Variants in THAP4 observed in about 807,000 individuals in gnomAD.
The protein encoded by THAP4 is peroxynitrite isomerase THAP4.
In THAP4, 18 loss-of-function variants were observed where a neutral mutation model predicts 48.1. The ratio of observed to expected loss-of-function variants is 0.37; its 90% CI spans 0.26 to 0.56. The LOEUF (loss-of-function observed/expected upper bound fraction) is 0.56, where lower values mean the gene tolerates loss of function less well. THAP4 is among the 20% of genes least tolerant of loss of function. The pLI, the probability that THAP4 is intolerant of heterozygous loss-of-function variation, is 0.78. For missense variants in THAP4, 656 were observed against 774.9 expected (o/e 0.85, Z 1.82); for synonymous variants, 345 against 324.9 (o/e 1.06, Z -0.66).
In THAP4 at chr2:241,601,925, A is replaced by G; in HGVS notation, c.1585T>C (p.Ser529Pro). ...TCTACGTGGGGCTCCTTGGCGAAGG[A>G]GATCCTGGCGATGGAGTGGGATGCG... ...CIASHSIARI[S>P]FAKEPHVEQI... Residue 529 changes from serine (S) to proline (P), a missense_variant, in exon 5 of 6, where the codon TCC becomes CCC. Ser to Pro is a moderately conservative substitution (Grantham distance 74). Coordinates refer to ENST00000407315, the MANE Select transcript of THAP4 (RefSeq NM_015963.6). This position sits in a 1 kb window ranked among gnomAD's most constrained non-coding sequence, Gnocchi z 4.0. The G allele has an allele frequency of 1.2e-6, 2 of 1,613,774 alleles. No homozygotes were observed. Among genetic ancestry groups the G allele is most frequent in the Non-Finnish European group, 1.7e-6 (2 of 1,180,032 alleles).
At chr2:241,628,666 AT>A (rs71406475) in intron 2 of THAP4, among the ~76,000 whole-genome samples, 82 of 142,648 alleles carry the variant, frequency 5.7e-4, no homozygotes, top group African/African-American at 4.3e-4. Flanking sequence ...CTGGAATAGG[AT>A]TTTTTTTTTT....
intron 1 of THAP4, 93 bp from the exon 2 acceptor site, chr2:241,634,172 C>G: frequency 1.1e-6 from 1 of 950,872 alleles, no homozygotes; most frequent in Non-Finnish European, 1.6e-6. Flanking sequence ...TTTTTGCACG[C>G]ACCCTAAGCC....
At chr2:241,585,345 G>C (rs540165731) in intron 5 of THAP4, among the ~76,000 whole-genome samples, 2 of 151,088 alleles carry the variant, frequency 1.3e-5, no homozygotes, top group Non-Finnish European at 2.9e-5. Flanking sequence ...ACTGTCAAAA[G>C]ACAATTCTCT....
chr2:241,625,550 A>G (rs1343452144), intron 2 of THAP4, among the ~76,000 whole-genome samples: 1 of 151,344 alleles, frequency 6.6e-6, no homozygotes, highest in Non-Finnish European at 1.5e-5. Context: ...TAATCCCAGC[A>G]TTTTGGGAGG....
chr2:241,595,799 T>A (rs1238702156), intron 5 of THAP4, among the ~76,000 whole-genome samples: 1 of 152,030 alleles, frequency 6.6e-6, no homozygotes, highest in Non-Finnish European at 1.5e-5. Flanking sequence ...GAGGGTGACA[T>A]GAGAATCTGG....
intron 2 of THAP4, among the ~76,000 whole-genome samples, chr2:241,611,063 G>A (rs1247801256): frequency 1.3e-5 from 2 of 152,188 alleles, no homozygotes; most frequent in Non-Finnish European, 2.9e-5. Context: ...AGGGAAAATA[G>A]GTCACAGATA....
Position 241,610,203 on chromosome 2 carries a change from C to G in THAP4, c.1241-3730G>C, listed in dbSNP as rs1375582722. Among the ~76,000 whole-genome samples, 3 of 152,210 alleles carry G rather than the reference C, an allele frequency of 2.0e-5. No homozygotes were observed. The highest frequency in any genetic ancestry group is 4.8e-5 in the African/African-American group (2 of 41,462). On this transcript the variant is annotated intron_variant, in intron 2 of 5. Coordinates refer to ENST00000407315, the MANE Select transcript of THAP4 (RefSeq NM_015963.6). The surrounding 1 kb of genome is among the most constrained non-coding windows in gnomAD (Gnocchi z 4.2). ...CACTCCCCACGAGGCAGGACAGCCC[C>G]GGGCTAGGGTGAGGGGCACGCGCCG...
rs938673244 is a variant in THAP4 at position 241,610,867 on chromosome 2, G to T, written c.1241-4394C>A. On this transcript the variant is annotated intron_variant, in intron 2 of 5. Transcript: ENST00000407315. The surrounding 1 kb of genome is among the most constrained non-coding windows in gnomAD (Gnocchi z 4.2). ...AGAGACAGGGCCAGAGAGACACGGG[G>T]ATGGGGCCAGAGACGGGGCCAGAGA... 1.3e-5 allele frequency among the ~76,000 whole-genome samples: 2 copies of T among 151,976 alleles called. No individual in the cohort carries two copies. The highest frequency in any genetic ancestry group is 2.9e-5 in the Non-Finnish European group (2 of 68,002).
intron 1 of THAP4, among the ~76,000 whole-genome samples, chr2:241,635,943 A>G (rs2125102555): frequency 6.6e-6 from 1 of 152,228 alleles, no homozygotes; most frequent in South Asian, 2.1e-4. Context: ...CTTTCTGAAC[A>G]CTGTGAGGCC....
intron 2 of THAP4, among the ~76,000 whole-genome samples, chr2:241,631,826 A>AT (rs367798044): frequency 1.5e-4 from 22 of 151,710 alleles, no homozygotes; most frequent in African/African-American, 4.8e-4. Flanking sequence ...ACAAACAATA[A>AT]TTTTTTTACC....
intron 1 of THAP4, 104 bp downstream of exon 1, chr2:241,636,837 G>A (rs1270522221): frequency 3.2e-6 from 2 of 622,512 alleles, no homozygotes; most frequent in South Asian, 6.8e-5. Context: ...CCCGGCCGCC[G>A]AGGCCCGGCG....
At chr2:241,607,659 G>C (rs574864189) in intron 2 of THAP4, among the ~76,000 whole-genome samples, 3 of 150,384 alleles carry the variant, frequency 2.0e-5, no homozygotes, top group Non-Finnish European at 4.4e-5. Context: ...CTGCACATCA[G>C]GACTGACCCC....
At chr2:241,613,518 C>T (rs1319042115) in intron 2 of THAP4, among the ~76,000 whole-genome samples, 1 of 152,102 alleles carries the variant, frequency 6.6e-6, no homozygotes, top group Admixed American at 6.5e-5. Context: ...CTTTGGGAGG[C>T]CGAGGAGGGT....
intron 5 of THAP4, among the ~76,000 whole-genome samples, chr2:241,600,333 G>T (rs571026885): frequency 3.3e-5 from 5 of 152,310 alleles, no homozygotes; most frequent in African/African-American, 1.2e-4. Flanking sequence ...TCACTCATCT[G>T]GAAGAGTTAG....
intron 5 of THAP4, among the ~76,000 whole-genome samples, chr2:241,598,277 C>T (rs4072905): frequency 0.15 from 22,859 of 152,168 alleles, 1,887 homozygotes; most frequent in Middle Eastern, 0.27. Context: ...CCAGAGAGGC[C>T]GACCAACTCC....
At chr2:241,584,827 A>T in intron 5 of THAP4, 102 bp from the exon 6 acceptor site, 1 of 1,477,872 alleles carries the variant, frequency 6.8e-7, no homozygotes, top group Middle Eastern at 1.8e-4. Context: ...ACGGGCTGTG[A>T]GCCAGGCAGT....
chr2:241,619,795 CGTGAGTCGTGAGTGAGGGGTGAGTGAGTT>C (rs2067394636), intron 2 of THAP4, among the ~76,000 whole-genome samples: 1 of 41,994 alleles, frequency 2.4e-5, no homozygotes, highest in African/African-American at 9.6e-5. Flanking sequence ...GTGAGGGGTG[CGTGAGTCGTGAGTGAGGGGTGAGTGAGTT>C]GTGAGTCGTG....
At chr2:241,635,490 T>C (rs1359544098) in intron 1 of THAP4, among the ~76,000 whole-genome samples, 1 of 152,142 alleles carries the variant, frequency 6.6e-6, no homozygotes, top group Non-Finnish European at 1.5e-5. Context: ...CGGGGTGGCT[T>C]ATGCCTGTAA....
rs916392122 is a variant in THAP4 at position 241,617,509 on chromosome 2, C to A, written c.1241-11036G>T. 2.6e-6 allele frequency: 4 copies of A among 1,534,846 alleles called. No individual in the cohort carries two copies. In the African/African-American group the frequency reaches 4.1e-5, roughly 16 times the overall value. Reference sequence around the variant, plus strand: ...AATGTTTGCACCTGGCTCTTAATGGCTCTGCAGGAAGTGAATGCTAACTTT... The same window carrying A: ...AATGTTTGCACCTGGCTCTTAATGGATCTGCAGGAAGTGAATGCTAACTTT... On this transcript the variant is annotated intron_variant, in intron 2 of 5. Coordinates refer to ENST00000407315, the MANE Select transcript of THAP4 (RefSeq NM_015963.6).
Sources: allele counts gnomAD v4.1 joint callset (sites outside exome capture counted in the v4.1 genomes callset), GRCh38; gene constraint gnomAD v4.1.1; non-coding constraint Gnocchi (gnomAD v3.1); transcripts MANE v1.5; gene names NCBI Gene and HGNC (gene_info 2026-07-23, HGNC 2026-07-21).